The following N4BP2 variants were observed in gnomAD, a reference collection of about 807,000 sequenced individuals.
N4BP2 encodes the protein NEDD4 binding protein 2, also known as NEDD4-binding protein 2.
Under a neutral mutation model 152.8 loss-of-function variants are expected in N4BP2, and 91 were observed. That is an observed-to-expected ratio of 0.60 (90% CI 0.50 to 0.71). The LOEUF (loss-of-function observed/expected upper bound fraction) is 0.71, where lower values mean the gene tolerates loss of function less well. N4BP2 is among the 30% of genes least tolerant of loss of function. The pLI is 0.00. For missense variants in N4BP2, 1,923 were observed against 2,059.1 expected, an observed-to-expected ratio of 0.93 and a Z score of 1.28; for synonymous variants, 646 against 705.3, an observed-to-expected ratio of 0.92 and a Z score of 1.33.
At position 40,120,765 on chromosome 4, in the gene N4BP2, G is replaced by A; in HGVS notation, c.2654G>A (p.Trp885Ter). 6.2e-7 allele frequency: 1 copy of A among 1,614,120 alleles called. No homozygotes were observed. The highest frequency in any genetic ancestry group is 8.5e-7 in the Non-Finnish European group (1 of 1,180,014). The change falls in exon 9 of 18, where the codon TGG becomes TAG. Residue 885 changes from tryptophan (W) to a stop codon, truncating the protein, a stop_gained. Coordinates refer to ENST00000261435, the MANE Select transcript of N4BP2 (RefSeq NM_018177.6). LOFTEE classifies it high-confidence loss of function. ...AACTCATTCAACATTATGGGTGACT[G>A]GCCTTCATCTGATTCTTTAGCTCAG... ...DKNSFNIMGD[W>*]PSSDSLAQRE...
At chr4:40,174,202 C>T in the N4BP2 span, among the ~76,000 whole-genome samples, 1 of 151,670 alleles carries the variant, frequency 6.6e-6, no homozygotes, top group Admixed American at 6.6e-5. Context: ...AATAGCAAGA[C>T]ACTGTCTCTA....
At position 40,120,839 on chromosome 4, in the gene N4BP2, C is replaced by G; in HGVS notation, c.2728C>G (p.Leu910Val). The stretch of plus-strand genomic sequence containing the variant: ...AAAGACTGGTTTAAGTGAGCCCAAC[C>G]TAGAAATTGGAACAAATGACAAAAT... Reference protein sequence around the residue: ...MPKTGLSEPNLEIGTNDKMNE... With the variant: ...MPKTGLSEPNVEIGTNDKMNE... Residue 910 changes from leucine (L) to valine (V), a missense_variant, in exon 9 of 18, where the codon CTA (leucine) becomes GTA (valine). Transcript: ENST00000261435. 1 of 1,614,076 alleles carries G rather than the reference C, an allele frequency of 6.2e-7. No homozygotes were observed. Among genetic ancestry groups the G allele is most frequent in the Non-Finnish European group, 8.5e-7 (1 of 1,180,000 alleles).
chr4:40,120,299 AG>A lies in N4BP2; in HGVS notation c.2189del (p.Ser730MetfsTer26). 1 of 1,612,834 alleles carries A rather than the reference AG, an allele frequency of 6.2e-7. No individual in the cohort carries two copies. The highest frequency in any genetic ancestry group is 1.1e-5 in the South Asian group (1 of 90,936). On this transcript the variant is annotated frameshift_variant, in exon 9 of 18. Transcript: ENST00000261435. LOFTEE classifies it high-confidence loss of function. ...GAGAGTATCACCTAGTACTTGCTGT[AG>A]TGAAAATAATCAAGAAGACTGTGAT... ...MERVSPSTCC[S>X]ENNQEDCDLA...
chr4:40,165,601 G>T, the N4BP2 span, among the ~76,000 whole-genome samples: 1 of 152,110 alleles, frequency 6.6e-6, no homozygotes, highest in Admixed American at 6.5e-5. Context: ...TGATCCATTA[G>T]TGTGTTTTTT....
chr4:40,168,911 A>G, the N4BP2 span, among the ~76,000 whole-genome samples: 2 of 151,918 alleles, frequency 1.3e-5, no homozygotes, highest in African/African-American at 4.8e-5. Context: ...TTTTTAGTAG[A>G]GACGAGGTTT....
At chr4:40,161,111 G>A (rs550129390), downstream of N4BP2, among the ~76,000 whole-genome samples, 3 of 152,300 alleles carry the variant, frequency 2.0e-5, no homozygotes, top group South Asian at 2.1e-4. Context: ...ATAACAGCCC[G>A]AAGTCATAAC....
intron 16 of N4BP2, among the ~76,000 whole-genome samples, chr4:40,151,655 A>T (rs1301816459): frequency 6.6e-6 from 1 of 152,174 alleles, no homozygotes; most frequent in Non-Finnish European, 1.5e-5. Flanking sequence ...ACTTTGTAAA[A>T]AGTTCGTAAA....
chr4:40,184,413 A>G, the N4BP2 span, among the ~76,000 whole-genome samples: 2 of 152,254 alleles, frequency 1.3e-5, no homozygotes, highest in African/African-American at 4.8e-5. Flanking sequence ...AAGTGAAACC[A>G]AATACATTAG....
chr4:40,155,788 G>A lies in N4BP2; in HGVS notation c.*1551G>A, dbSNP rs1023391440. 6.6e-6 allele frequency: 1 copy of A among 152,154 alleles called. No homozygotes were observed. Among genetic ancestry groups the A allele is most frequent in the Non-Finnish European group, 1.5e-5 (1 of 67,990 alleles). 9.4% of individuals were successfully genotyped at this position (152,154 alleles called of 1,614,324 possible). A position where few individuals can be genotyped will look rare whatever the true frequency, so the allele number is the denominator to read the frequency against. On this transcript the variant is annotated 3_prime_UTR_variant, in exon 18 of 18. Transcript: ENST00000261435. ...TAAAGTACAGAATGGTTTTCCAAAA[G>A]AGCAGACATTTCAATGAAAATAAAA...
intron 12 of N4BP2, among the ~76,000 whole-genome samples, chr4:40,126,556 T>A (rs1459813295): frequency 6.6e-6 from 1 of 152,190 alleles, no homozygotes; most frequent in African/African-American, 2.4e-5. Flanking sequence ...TAAGTTTGTG[T>A]TGTTTTAGAT....
downstream of N4BP2, among the ~76,000 whole-genome samples, chr4:40,162,202 C>A (rs1721876617): frequency 6.6e-6 from 1 of 152,124 alleles, no homozygotes; most frequent in Non-Finnish European, 1.5e-5. Context: ...CGGAAAGGCT[C>A]ATTAGAAGTA....
chr4:40,092,039 T>C (rs1407688237), intron 2 of N4BP2, among the ~76,000 whole-genome samples: 1 of 115,206 alleles, frequency 8.7e-6, no homozygotes. Context: ...TATATATATA[T>C]ATATATAGCT....
intron 2 of N4BP2, among the ~76,000 whole-genome samples, chr4:40,075,695 C>T (rs1243157365): frequency 1.3e-5 from 2 of 152,160 alleles, no homozygotes; most frequent in South Asian, 2.1e-4. Context: ...TGTGCCAGGC[C>T]TACACATCTT....
Position 40,120,160 on chromosome 4 carries a change from G to C in N4BP2, c.2049G>C (p.Met683Ile), listed in dbSNP as rs780405758. The C allele has an allele frequency of 6.2e-7, 1 of 1,613,176 alleles. No homozygotes were observed. Among genetic ancestry groups the C allele is most frequent in the South Asian group, 1.1e-5 (1 of 91,046 alleles). ...QSALILETPH[M>I]YFSDSESKLQ... ...CTTTAATTCTGGAAACTCCACACAT[G>C]TATTTTTCTGACTCTGAAAGCAAAC... The change falls in exon 9 of 18, where the codon ATG becomes ATC. Residue 683 changes from methionine to isoleucine, a missense_variant. By Grantham distance (10) the Met-to-Ile change is conservative. Transcript: ENST00000261435.
At chr4:40,072,875 C>A (rs1489662575) in intron 1 of N4BP2, among the ~76,000 whole-genome samples, 4 of 151,792 alleles carry the variant, frequency 2.6e-5, no homozygotes, top group African/African-American at 9.7e-5. Flanking sequence ...AGGTGTGCAC[C>A]ACCATGCCCA....
chr4:40,112,126 A>T lies in N4BP2; in HGVS notation c.1541A>T (p.Asp514Val). 6.4e-7 allele frequency: 1 copy of T among 1,574,750 alleles called. No homozygotes were observed. Among genetic ancestry groups the T allele is most frequent in the Non-Finnish European group, 8.6e-7 (1 of 1,156,374 alleles). Residue 514 changes from aspartate to valine, a missense_variant, in exon 6 of 18, where the codon GAT (aspartate) becomes GTT (valine). Asp to Val is a radical substitution (Grantham distance 152). Coordinates refer to ENST00000261435, the MANE Select transcript of N4BP2 (RefSeq NM_018177.6). Reference protein sequence around the residue: ...FEKKISPIIIDNTNLQAWEMK... With the variant: ...FEKKISPIIIVNTNLQAWEMK... ...AAGAAGATATCTCCTATAATTATAG[A>T]TAATACAAACCTACAGGCATGGGAA...
At chr4:40,128,184 G>C (rs1718596601) in intron 12 of N4BP2, among the ~76,000 whole-genome samples, 1 of 152,176 alleles carries the variant, frequency 6.6e-6, no homozygotes, top group African/African-American at 2.4e-5. Flanking sequence ...GGTCAAAAGG[G>C]AAAACATCTT....
chr4:40,077,055 TAAG>T (rs1176680632), intron 2 of N4BP2, among the ~76,000 whole-genome samples: 2 of 152,088 alleles, frequency 1.3e-5, no homozygotes, highest in Non-Finnish European at 2.9e-5. Flanking sequence ...TTGATGGTCT[TAAG>T]GAGCTAAATA....
intron 3 of N4BP2, among the ~76,000 whole-genome samples, chr4:40,099,300 T>A (rs542062657): frequency 6.6e-6 from 1 of 152,350 alleles, no homozygotes; most frequent in East Asian, 1.9e-4. Context: ...CGGAGTGCAG[T>A]GGCGCCATCT....
Sources: allele counts gnomAD v4.1 joint callset (sites outside exome capture counted in the v4.1 genomes callset), GRCh38; gene constraint gnomAD v4.1.1; transcripts MANE v1.5; gene names NCBI Gene and HGNC (gene_info 2026-07-23, HGNC 2026-07-21).